CEACAM3: variants seen among roughly 807,000 people sequenced by gnomAD.
CEACAM3 encodes the protein CEA cell adhesion molecule 3, also known as cell adhesion molecule CEACAM3.
CEACAM3 carries 32 observed loss-of-function variants against 30.1 expected under a neutral mutation model. The observed-to-expected ratio is 1.06, with a 90% CI of 0.80 to 1.43. The LOEUF (loss-of-function observed/expected upper bound fraction) is 1.43. Among genes scored for constraint, CEACAM3 ranks in the 40% most tolerant of loss-of-function variants. The pLI is 0.00. For missense variants in CEACAM3, 290 were observed against 316.3 expected, an observed-to-expected ratio of 0.92 and a Z score of 0.63; for synonymous variants, 134 against 127.2, an observed-to-expected ratio of 1.05 and a Z score of -0.36.
chr19:41,809,828 C>T, intron 3 of CEACAM3, 137 bp from the exon 4 acceptor site: 1 of 824,760 alleles, frequency 1.2e-6, no homozygotes, highest in Non-Finnish European at 2.1e-6. Context: ...CTGGGCTCCC[C>T]CTAACACAAA....
intron 2 of CEACAM3, among the ~76,000 whole-genome samples, chr19:41,803,079 G>C (rs2123002098): frequency 6.6e-6 from 1 of 152,036 alleles, no homozygotes; most frequent in South Asian, 2.1e-4. Flanking sequence ...AAAAAAAAAT[G>C]CAATTTGAAA....
rs571874639 is a variant in CEACAM3, at chr19:41,800,860, C to T, written c.424+2912C>T. Among the ~76,000 whole-genome samples, 7 of 152,232 alleles carry T rather than the reference C, an allele frequency of 4.6e-5. No homozygotes were observed. In the South Asian group the frequency reaches 8.3e-4, roughly 18 times the overall value. ...CATTCGGGGCCACTACCAGTCTCCG[C>T]GCATTGGTGGTAGTGATCCCCCCGG... is the stretch of plus-strand genomic sequence containing the variant. On this transcript the variant is annotated intron_variant, in intron 2 of 6. Transcript: ENST00000357396.
chr19:41,801,817 C>G (rs1381487439), intron 2 of CEACAM3, among the ~76,000 whole-genome samples: 1 of 152,110 alleles, frequency 6.6e-6, no homozygotes, highest in African/African-American at 2.4e-5. Context: ...AGACCAATCT[C>G]AGGTTCTACA....
chr19:41,801,736 TG>T (rs2073149689), intron 2 of CEACAM3, among the ~76,000 whole-genome samples: 1 of 152,120 alleles, frequency 6.6e-6, no homozygotes. Context: ...ACAAGACCAC[TG>T]AATCATGGGT....
At chr19:41,805,402 C>T (rs536296907) in intron 2 of CEACAM3, among the ~76,000 whole-genome samples, 1 of 151,608 alleles carries the variant, frequency 6.6e-6, no homozygotes, top group African/African-American at 2.4e-5. Flanking sequence ...AGCAATTCTC[C>T]CTAGCCTTCT....
chr19:41,810,556 A>G (rs1330562106), intron 5 of CEACAM3, among the ~76,000 whole-genome samples: 3 of 151,620 alleles, frequency 2.0e-5, no homozygotes, highest in African/African-American at 7.3e-5. Context: ...CCTCCCCGGG[A>G]CCCTCCATCA....
At chr19:41,797,544 C>T in intron 1 of CEACAM3, 45 bp from the exon 2 acceptor site, 1 of 1,575,396 alleles carries the variant, frequency 6.3e-7, no homozygotes, top group South Asian at 1.2e-5. Context: ...TCTTTCCATC[C>T]CAATACATGG....
rs542681433 is a variant in CEACAM3, at chr19:41,805,780, T to A, written c.425-3033T>A. 2.0e-5 allele frequency among the ~76,000 whole-genome samples: 3 copies of A among 152,360 alleles called. No homozygotes were observed. The South Asian group carries it at 6.2e-4, about 32-fold the overall frequency. On this transcript the variant is annotated intron_variant, in intron 2 of 6. Transcript: ENST00000357396. The stretch of plus-strand genomic sequence containing the variant: ...AAACACAGAGTCCATGAGGACCAGA[T>A]TGCCAGCAGCTTCATGCTCCCTCTT...
chr19:41,807,151 C>A (rs782761364), intron 2 of CEACAM3: 9 of 1,556,942 alleles, frequency 5.8e-6, no homozygotes. Context: ...ACAACTCCAA[C>A]CCCAAGGAGG....
At chr19:41,804,549 A>G (rs1294854935) in intron 2 of CEACAM3, among the ~76,000 whole-genome samples, 1 of 152,056 alleles carries the variant, frequency 6.6e-6, no homozygotes, top group African/African-American at 2.4e-5. Flanking sequence ...CTAATTTGGT[A>G]TTTTTCTTTT....
chr19:41,810,485 T>C lies in CEACAM3; in HGVS notation c.627+131T>C, dbSNP rs113198277. ...AAAACACACAGGACAAGGCTAGCCC[T>C]GCCCTGGCCAGGAGCTGGGCCTCCC... is the stretch of plus-strand genomic sequence containing the variant. On this transcript the variant is annotated intron_variant, in intron 5 of 6. Coordinates refer to ENST00000357396, the MANE Select transcript of CEACAM3 (RefSeq NM_001815.5). The C allele has an allele frequency of 3.0e-5, 33 of 1,113,268 alleles. No individual in the cohort carries two copies. The African/African-American group carries it at 3.4e-4, about 12-fold the overall frequency. 69.0% of individuals were successfully genotyped at this position (1,113,268 alleles called of 1,614,324 possible).
At chr19:41,799,295 T>C (rs2073128375) in intron 2 of CEACAM3, among the ~76,000 whole-genome samples, 1 of 151,946 alleles carries the variant, frequency 6.6e-6, no homozygotes, top group South Asian at 2.1e-4. Flanking sequence ...GGAGATCTGG[T>C]TCTTTAAAAG....
At chr19:41,802,494 C>A (rs972190647) in intron 2 of CEACAM3, among the ~76,000 whole-genome samples, 1 of 152,186 alleles carries the variant, frequency 6.6e-6, no homozygotes, top group Non-Finnish European at 1.5e-5. Context: ...GCAGAACCAG[C>A]GCTGGGGTCA....
At position 41,798,076 on chromosome 19, in the gene CEACAM3, G is replaced by C. The variant is rs2073118243; in HGVS notation, c.424+128G>C. 16 of 1,456,082 alleles carry C rather than the reference G, an allele frequency of 1.1e-5. No individual in the cohort carries two copies. In the South Asian group the frequency reaches 2.2e-4, roughly 20 times the overall value. 90.2% of individuals were successfully genotyped at this position (1,456,082 alleles called of 1,614,324 possible). A position where few individuals can be genotyped will look rare whatever the true frequency, so the allele number is the denominator to read the frequency against. On this transcript the variant is annotated intron_variant, in intron 2 of 6. Transcript: ENST00000357396. Reference sequence around the variant, plus strand: ...TTCTGTATCAGGGTTTGGACATTTAGTGCAGGACACACACGGGGGAGACAA... The same window carrying C: ...TTCTGTATCAGGGTTTGGACATTTACTGCAGGACACACACGGGGGAGACAA...
At chr19:41,802,409 G>T (rs782121454) in intron 2 of CEACAM3, among the ~76,000 whole-genome samples, 19 of 152,172 alleles carry the variant, frequency 1.2e-4, no homozygotes, top group Admixed American at 1.2e-3. Context: ...TAATTGCCCC[G>T]CATATTGGAG....
chr19:41,797,331 G>T, intron 1 of CEACAM3: 1 of 481,284 alleles, frequency 2.1e-6, no homozygotes, highest in Non-Finnish European at 3.7e-6. Flanking sequence ...GATCTCCCAA[G>T]GATGCCCTGA....
At position 41,810,913 on chromosome 19, in the gene CEACAM3, G is replaced by A. The variant is rs186376616; in HGVS notation, c.693+16G>A. On this transcript the variant is annotated intron_variant, in intron 6 of 6. Coordinates refer to ENST00000357396, the MANE Select transcript of CEACAM3 (RefSeq NM_001815.5). The stretch of plus-strand genomic sequence containing the variant: ...CATCTATGAGGTGAGTGTGGGCCAC[G>A]GATGTTCTGGTCCCACAGGCCCCAG... The A allele has an allele frequency of 2.7e-5, 44 of 1,611,204 alleles. No homozygotes were observed. The highest frequency in any genetic ancestry group is 1.2e-4 in the South Asian group (11 of 90,958).
At chr19:41,808,995 A>G in intron 3 of CEACAM3, 65 bp downstream of exon 3, 1 of 1,216,408 alleles carries the variant, frequency 8.2e-7, no homozygotes, top group African/African-American at 1.5e-5. Flanking sequence ...AAGAAAGGAG[A>G]CCTTGTCCTG....
At position 41,810,353 on chromosome 19, in the gene CEACAM3, C is replaced by T. The variant is rs138403931; in HGVS notation, c.626C>T (p.Ser209Leu). 17 of 1,602,586 alleles carry T rather than the reference C, an allele frequency of 1.1e-5. No homozygotes were observed. The highest frequency in any genetic ancestry group is 9.4e-5 in the African/African-American group (7 of 74,798). ...GGTCCCTCCCACAGCTCTGCCTTCT[C>T]GGTAAGCCTGTCCCCTTCCAGCCCC... ...GRGPSHSSAF[S>L]MSPLSTAQAP... is the part of the protein sequence containing the mutation. The change falls in exon 5 of 7, where the codon TCG becomes TTG. Residue 209 changes from serine (S) to leucine (L), a missense_variant and splice_region_variant. By Grantham distance (145) the Ser-to-Leu change is moderately radical (BLOSUM62 -2). Transcript: ENST00000357396.
Sources: allele counts gnomAD v4.1 joint callset (sites outside exome capture counted in the v4.1 genomes callset), GRCh38; gene constraint gnomAD v4.1.1; transcripts MANE v1.5; gene names NCBI Gene and HGNC (gene_info 2026-07-23, HGNC 2026-07-21).